The following SMCO2 variants were observed in gnomAD, a reference collection of about 807,000 sequenced individuals.
The protein encoded by SMCO2 is single-pass membrane and coiled-coil domain-containing protein 2.
Under a neutral mutation model 29.5 loss-of-function variants are expected in SMCO2, and 25 were observed. The ratio of observed to expected loss-of-function variants is 0.85; its 90% CI spans 0.62 to 1.18. The LOEUF (loss-of-function observed/expected upper bound fraction) is 1.18. SMCO2 is among the 50% of genes most tolerant of loss of function. The pLI, the probability that SMCO2 is intolerant of heterozygous loss-of-function variation, is 0.00. For missense variants in SMCO2, 348 were observed against 344.5 expected (o/e 1.01, Z -0.08); for synonymous variants, 117 against 123.3 (o/e 0.95, Z 0.34).
At chr12:27,470,801 G>A in intron 2 of SMCO2, 36 bp downstream of exon 2, 1 of 1,544,548 alleles carries the variant, frequency 6.5e-7, no homozygotes, top group Non-Finnish European at 8.7e-7. Context: ...GCAGTTTCTA[G>A]GGTCCCAACT....
In SMCO2 at chr12:27,488,481, C is replaced by A. The variant is rs921200523; in HGVS notation, c.384C>A (p.Thr128=). 15 of 1,536,438 alleles carry A rather than the reference C, an allele frequency of 9.8e-6. No homozygotes were observed. The African/African-American group carries it at 1.9e-4, about 20-fold the overall frequency. ...GCAGCTTATTAAAAGACATGCTGACCCTGAAGGGTCAAATTGAAAAGCTGG... is the reference window on the plus strand; with the variant it reads ...GCAGCTTATTAAAAGACATGCTGACACTGAAGGGTCAAATTGAAAAGCTGG... Residue 128 remains threonine, a synonymous_variant, in exon 5 of 8, where the codon ACC becomes ACA. Transcript: ENST00000298876.
At chr12:27,485,130 CT>C (rs993251547) in intron 4 of SMCO2, among the ~76,000 whole-genome samples, 6 of 144,182 alleles carry the variant, frequency 4.2e-5, no homozygotes, top group Admixed American at 6.9e-5. Context: ...ATGTTCTGGG[CT>C]TTTTTTTTCT....
At chr12:27,426,112 T>C in the SMCO2 span, among the ~76,000 whole-genome samples, 1 of 152,196 alleles carries the variant, frequency 6.6e-6, no homozygotes, top group Non-Finnish European at 1.5e-5. Flanking sequence ...TCCAACACAC[T>C]GGACTCTCCT....
the SMCO2 span, among the ~76,000 whole-genome samples, chr12:27,435,544 TC>T: frequency 9.0e-4 from 130 of 145,220 alleles, no homozygotes; most frequent in Middle Eastern, 0.017. Context: ...TCTCTCTCTC[TC>T]CCCCCCATCC....
the SMCO2 span, among the ~76,000 whole-genome samples, chr12:27,427,956 G>A: frequency 6.6e-6 from 1 of 152,130 alleles, no homozygotes; most frequent in Non-Finnish European, 1.5e-5. Context: ...TGATTGGTCG[G>A]GTTAAGGATG....
At chr12:27,440,648 GTTTTTT>G in the SMCO2 span, among the ~76,000 whole-genome samples, 8,408 of 122,376 alleles carry the variant, frequency 0.069, 732 homozygotes, top group African/African-American at 0.22. Context: ...TTTTCTGTGG[GTTTTTT>G]TTTTTTTTTT....
At chr12:27,475,607 C>T in intron 4 of SMCO2, 3 of 1,548,322 alleles carry the variant, frequency 1.9e-6, no homozygotes, top group Non-Finnish European at 2.6e-6. Context: ...GTTCCTCAAG[C>T]TAAACTACTG....
the SMCO2 span, among the ~76,000 whole-genome samples, chr12:27,454,156 T>TA: frequency 6.6e-6 from 1 of 152,014 alleles, no homozygotes; most frequent in Admixed American, 6.5e-5. Context: ...AGCTTATTTT[T>TA]AAATTTTTTG....
At chr12:27,473,764 C>T (rs1949561004) in intron 3 of SMCO2, among the ~76,000 whole-genome samples, 1 of 152,326 alleles carries the variant, frequency 6.6e-6, no homozygotes, top group African/African-American at 2.4e-5. Flanking sequence ...CTCCTCCAAA[C>T]TTTTCTCCTT....
chr12:27,452,631 AG>A, the SMCO2 span, among the ~76,000 whole-genome samples: 1 of 152,176 alleles, frequency 6.6e-6, no homozygotes, highest in Non-Finnish European at 1.5e-5. Context: ...CTGAGACTAT[AG>A]GTGTGCACCA....
At chr12:27,447,540 T>G in the SMCO2 span, among the ~76,000 whole-genome samples, 1 of 151,946 alleles carries the variant, frequency 6.6e-6, no homozygotes. Flanking sequence ...GGAGGATCGC[T>G]TCAGCCCAGG....
chr12:27,447,696 C>T, the SMCO2 span, among the ~76,000 whole-genome samples: 1 of 144,782 alleles, frequency 6.9e-6, no homozygotes, highest in Non-Finnish European at 1.5e-5. Flanking sequence ...GAGTGGTGAT[C>T]GCAGGCTGGG....
At chr12:27,490,472 A>G (rs1949726098) in intron 5 of SMCO2, among the ~76,000 whole-genome samples, 1 of 152,222 alleles carries the variant, frequency 6.6e-6, no homozygotes, top group African/African-American at 2.4e-5. Context: ...GTCAAAATTC[A>G]TAGAACTGTA....
intron 7 of SMCO2, among the ~76,000 whole-genome samples, chr12:27,500,244 A>G (rs1943060932): frequency 6.6e-6 from 1 of 150,534 alleles, no homozygotes; most frequent in African/African-American, 2.5e-5. Flanking sequence ...ATTGACTTGT[A>G]AATAAAAATC....
intron 3 of SMCO2, among the ~76,000 whole-genome samples, chr12:27,474,191 G>A (rs557498337): frequency 3.6e-4 from 55 of 152,260 alleles, no homozygotes; most frequent in South Asian, 1.0e-3. Flanking sequence ...AAGACAGCAT[G>A]ATATCTCATT....
At chr12:27,463,855 A>C (rs1949477037), upstream of SMCO2, among the ~76,000 whole-genome samples, 1 of 152,256 alleles carries the variant, frequency 6.6e-6, no homozygotes, top group South Asian at 2.1e-4. Flanking sequence ...AGAAGGAGAG[A>C]GATAAGATGG....
At chr12:27,433,024 C>T in the SMCO2 span, among the ~76,000 whole-genome samples, 1 of 152,094 alleles carries the variant, frequency 6.6e-6, no homozygotes, top group Non-Finnish European at 1.5e-5. Flanking sequence ...ACAGAATGGC[C>T]ATTTATAACA....
the SMCO2 span, among the ~76,000 whole-genome samples, chr12:27,454,456 G>A: frequency 2.6e-5 from 4 of 152,156 alleles, no homozygotes; most frequent in Non-Finnish European, 4.4e-5. Context: ...GATAATGGGT[G>A]ATAGGGTTGG....
chr12:27,449,397 T>C, the SMCO2 span, among the ~76,000 whole-genome samples: 1 of 152,180 alleles, frequency 6.6e-6, no homozygotes, highest in Non-Finnish European at 1.5e-5. Flanking sequence ...TAGGAACAAG[T>C]TGACATACTT....
Sources: allele counts gnomAD v4.1 joint callset (sites outside exome capture counted in the v4.1 genomes callset), GRCh38; gene constraint gnomAD v4.1.1; transcripts MANE v1.5; gene names NCBI Gene and HGNC (gene_info 2026-07-23, HGNC 2026-07-21).